The following KCTD8 variants were observed in gnomAD, a reference collection of about 807,000 sequenced individuals.
The protein encoded by KCTD8 is BTB/POZ domain-containing protein KCTD8.
KCTD8 carries 27 observed loss-of-function variants against 31.5 expected under a neutral mutation model. That is an observed-to-expected ratio of 0.86 (90% CI 0.63 to 1.18). The LOEUF (loss-of-function observed/expected upper bound fraction) is 1.18. KCTD8 is among the 50% of genes most tolerant of loss of function. KCTD8 has a pLI of 0.00. For missense variants in KCTD8, 658 were observed against 647.7 expected (o/e 1.02, Z -0.17); for synonymous variants, 290 against 280.0 (o/e 1.04, Z -0.36).
chr4:44,356,049 C>T (rs1352006240), intron 1 of KCTD8, among the ~76,000 whole-genome samples: 1 of 152,162 alleles, frequency 6.6e-6, no homozygotes, highest in Non-Finnish European at 1.5e-5. Flanking sequence ...CCTAAATATA[C>T]ATATACTACA....
At chr4:44,250,042 A>G (rs1417599194) in intron 1 of KCTD8, among the ~76,000 whole-genome samples, 1 of 151,792 alleles carries the variant, frequency 6.6e-6, no homozygotes, top group Non-Finnish European at 1.5e-5. Flanking sequence ...AGTCAGGTTT[A>G]TCACTCAACA....
intron 1 of KCTD8, among the ~76,000 whole-genome samples, chr4:44,320,453 C>T (rs76717938): frequency 2.0e-5 from 3 of 152,036 alleles, no homozygotes; most frequent in African/African-American, 7.2e-5. Flanking sequence ...AGGAACTTCC[C>T]TAAGTTATGA....
chr4:44,375,740 CA>C (rs1719900506), intron 1 of KCTD8, among the ~76,000 whole-genome samples: 1 of 152,056 alleles, frequency 6.6e-6, no homozygotes. Context: ...ACTGGGAAGG[CA>C]GAACAGACGG....
chr4:44,412,629 A>G (rs1720989825), intron 1 of KCTD8, among the ~76,000 whole-genome samples: 1 of 152,148 alleles, frequency 6.6e-6, no homozygotes. Flanking sequence ...GCCTTCTAGG[A>G]AAGAGATTCT....
chr4:44,278,719 A>G (rs191195774), intron 1 of KCTD8, among the ~76,000 whole-genome samples: 2 of 152,144 alleles, frequency 1.3e-5, no homozygotes, highest in East Asian at 3.9e-4. Flanking sequence ...GAGAGTATCA[A>G]TGACCTGTTT....
intron 1 of KCTD8, among the ~76,000 whole-genome samples, chr4:44,307,032 A>C (rs1283127725): frequency 6.6e-6 from 1 of 152,030 alleles, no homozygotes; most frequent in Non-Finnish European, 1.5e-5. Flanking sequence ...TATGTAATTA[A>C]TTGCTTAACT....
At chr4:44,368,268 T>G (rs564427543) in intron 1 of KCTD8, among the ~76,000 whole-genome samples, 1 of 152,194 alleles carries the variant, frequency 6.6e-6, no homozygotes, top group African/African-American at 2.4e-5. Flanking sequence ...TCCCAGCTAC[T>G]TGGGAGTCTG....
At chr4:44,443,117 T>C (rs1721855048) in intron 1 of KCTD8, among the ~76,000 whole-genome samples, 1 of 152,246 alleles carries the variant, frequency 6.6e-6, no homozygotes, top group African/African-American at 2.4e-5. Context: ...AGAATCTTGA[T>C]GTTTTAAAAA....
chr4:44,319,487 G>T (rs1294775306), intron 1 of KCTD8, among the ~76,000 whole-genome samples: 4 of 151,724 alleles, frequency 2.6e-5, no homozygotes, highest in Admixed American at 2.0e-4. Flanking sequence ...GCAACACAGG[G>T]CAAAAATACG....
At chr4:44,297,215 C>A (rs1257587188) in intron 1 of KCTD8, among the ~76,000 whole-genome samples, 1 of 151,892 alleles carries the variant, frequency 6.6e-6, no homozygotes, top group Non-Finnish European at 1.5e-5. Context: ...AATAGGTAAG[C>A]CCAATAATTG....
At position 44,302,564 on chromosome 4, in the gene KCTD8, A is replaced by AT. The variant is rs765703521; in HGVS notation, c.962-127315dup. Reference sequence around the variant, plus strand: ...GAATGCTTGTGATTTTTGTACATTGATTTTGTATCCTGAGACTTTGCTGAA... The same window carrying AT: ...GAATGCTTGTGATTTTTGTACATTGATTTTTGTATCCTGAGACTTTGCTGAA... On this transcript the variant is annotated intron_variant, in intron 1 of 1. Coordinates refer to ENST00000360029, the MANE Select transcript of KCTD8 (RefSeq NM_198353.3). 2.9e-4 allele frequency among the ~76,000 whole-genome samples: 44 copies of AT among 151,964 alleles called. 1 individual carries two copies. Among genetic ancestry groups the AT allele is most frequent in the Non-Finnish European group, 8.8e-5 (6 of 68,020 alleles).
chr4:44,366,052 AT>A (rs1446485652), intron 1 of KCTD8, among the ~76,000 whole-genome samples: 1 of 152,204 alleles, frequency 6.6e-6, no homozygotes, highest in Non-Finnish European at 1.5e-5. Context: ...AAAATTATAT[AT>A]CGGTTGTCTG....
intron 1 of KCTD8, among the ~76,000 whole-genome samples, chr4:44,351,613 T>C (rs1319932021): frequency 6.6e-6 from 1 of 152,104 alleles, no homozygotes; most frequent in South Asian, 2.1e-4. Context: ...AGAGGAACAC[T>C]GAGTTTTAAG....
chr4:44,302,198 C>A (rs150215844), intron 1 of KCTD8, among the ~76,000 whole-genome samples: 4 of 152,176 alleles, frequency 2.6e-5, no homozygotes, highest in African/African-American at 9.6e-5. Flanking sequence ...CTTGGGATTG[C>A]GGGCTCTTTT....
At chr4:44,177,645 T>C (rs532896686) in intron 1 of KCTD8, among the ~76,000 whole-genome samples, 21 of 152,328 alleles carry the variant, frequency 1.4e-4, no homozygotes, top group Non-Finnish European at 2.1e-4. Flanking sequence ...CTTTGCCTGC[T>C]GCCATCCATG....
At chr4:44,383,016 A>G (rs936154065) in intron 1 of KCTD8, among the ~76,000 whole-genome samples, 17 of 73,596 alleles carry the variant, frequency 2.3e-4, no homozygotes, top group Non-Finnish European at 1.2e-4. Context: ...CCAACAACAA[A>G]CTAGCTGACA....
At chr4:44,362,497 T>C (rs1719524019) in intron 1 of KCTD8, among the ~76,000 whole-genome samples, 1 of 151,988 alleles carries the variant, frequency 6.6e-6, no homozygotes, top group African/African-American at 2.4e-5. Flanking sequence ...CCTATAATAA[T>C]ATGAGCAGGG....
At chr4:44,256,287 G>A (rs1189999876) in intron 1 of KCTD8, among the ~76,000 whole-genome samples, 7 of 151,748 alleles carry the variant, frequency 4.6e-5, no homozygotes, top group Admixed American at 4.6e-4. Context: ...GTTCATCAAA[G>A]GAAAATGAGA....
At chr4:44,265,450 G>A (rs1035604035) in intron 1 of KCTD8, among the ~76,000 whole-genome samples, 3 of 152,132 alleles carry the variant, frequency 2.0e-5, no homozygotes, top group African/African-American at 4.8e-5. Flanking sequence ...GGAAAAAACA[G>A]AGCAGAAAAA....
Sources: allele counts gnomAD v4.1 joint callset (sites outside exome capture counted in the v4.1 genomes callset), GRCh38; gene constraint gnomAD v4.1.1; transcripts MANE v1.5; gene names NCBI Gene and HGNC (gene_info 2026-07-23, HGNC 2026-07-21).